Variants in CDIN1 observed in about 807,000 individuals in gnomAD.
CDIN1 encodes CDAN1-interacting nuclease 1.
A neutral mutation model predicts 45.3 loss-of-function variants in CDIN1; 33 were observed. The observed-to-expected ratio is 0.73, with a 90% CI of 0.55 to 0.97. CDIN1 has a LOEUF of 0.97. CDIN1 is among the 50% of genes least tolerant of loss of function. The pLI, the probability that CDIN1 is intolerant of heterozygous loss-of-function variation, is 0.00. For missense variants in CDIN1, 303 were observed against 339.4 expected, an observed-to-expected ratio of 0.89 and a Z score of 0.84; for synonymous variants, 118 against 124.4, an observed-to-expected ratio of 0.95 and a Z score of 0.34.
intron 10 of CDIN1, among the ~76,000 whole-genome samples, chr15:36,746,670 CA>C (rs1555403566): frequency 9.1e-5 from 1 of 11,044 alleles, no homozygotes; most frequent in Non-Finnish European, 1.8e-4. Flanking sequence ...TATATGGTTC[CA>C]CACACACACA....
chr15:36,626,741 G>A, intron 1 of CDIN1: 1 of 418,100 alleles, frequency 2.4e-6, no homozygotes, highest in South Asian at 1.9e-5. Context: ...CAGATTGACT[G>A]GTGTTTTATA....
chr15:36,689,012 A>G (rs11631068), intron 5 of CDIN1, among the ~76,000 whole-genome samples: 45,182 of 152,078 alleles, frequency 0.3, 7,180 homozygotes, highest in Admixed American at 0.41. Context: ...TTGAGGTTAA[A>G]ATGAATGTGG....
intron 10 of CDIN1, 132 bp downstream of exon 10, chr15:36,710,093 T>C: frequency 3.7e-6 from 2 of 547,884 alleles, no homozygotes; most frequent in East Asian, 2.9e-5. Context: ...TTGATTAATG[T>C]ATTCATTTCA....
chr15:36,759,105 T>C (rs539154376), intron 10 of CDIN1, among the ~76,000 whole-genome samples: 1 of 152,222 alleles, frequency 6.6e-6, no homozygotes, highest in African/African-American at 2.4e-5. Context: ...AAGGTTTTCA[T>C]CGAGAGCAGA....
At chr15:36,800,552 T>G (rs2054977540) in intron 10 of CDIN1, among the ~76,000 whole-genome samples, 1 of 152,122 alleles carries the variant, frequency 6.6e-6, no homozygotes, top group Non-Finnish European at 1.5e-5. Context: ...CAACTCTGTC[T>G]GGATATACAT....
intron 8 of CDIN1, among the ~76,000 whole-genome samples, chr15:36,701,155 T>C (rs1387243868): frequency 1.3e-5 from 2 of 151,622 alleles, no homozygotes; most frequent in African/African-American, 4.9e-5. Flanking sequence ...GATAGATAGA[T>C]AGATAGATAG....
At chr15:36,659,784 A>G (rs988589089) in intron 5 of CDIN1, among the ~76,000 whole-genome samples, 2 of 151,970 alleles carry the variant, frequency 1.3e-5, no homozygotes, top group African/African-American at 2.4e-5. Flanking sequence ...TGGACAGAAA[A>G]TGGTTTCAAA....
At chr15:36,791,723 T>C (rs886520189) in intron 10 of CDIN1, among the ~76,000 whole-genome samples, 23 of 152,250 alleles carry the variant, frequency 1.5e-4, no homozygotes, top group Middle Eastern at 3.4e-3. Flanking sequence ...CCTGTTTCCT[T>C]CAACAAGTGT....
At chr15:36,788,895 A>G (rs1439589531) in intron 10 of CDIN1, among the ~76,000 whole-genome samples, 2 of 152,180 alleles carry the variant, frequency 1.3e-5, no homozygotes, top group African/African-American at 2.4e-5. Context: ...TATCTTGCCA[A>G]TAAGTCTCCA....
At chr15:36,694,497 G>A (rs1207791931) in intron 7 of CDIN1, among the ~76,000 whole-genome samples, 1 of 152,192 alleles carries the variant, frequency 6.6e-6, no homozygotes, top group Non-Finnish European at 1.5e-5. Context: ...GTAGAATAAA[G>A]TAAGTTGGTC....
intron 8 of CDIN1, among the ~76,000 whole-genome samples, chr15:36,697,733 A>G (rs1372732541): frequency 6.6e-6 from 1 of 152,230 alleles, no homozygotes; most frequent in East Asian, 1.9e-4. Context: ...TATATTAAAA[A>G]GAACAGTTAG....
chr15:36,715,548 C>T (rs1287920046), intron 10 of CDIN1, among the ~76,000 whole-genome samples: 2 of 152,086 alleles, frequency 1.3e-5, no homozygotes, highest in Non-Finnish European at 2.9e-5. Context: ...TCACATCTGT[C>T]TTAAGTTGGA....
At chr15:36,614,033 A>G (rs1322657761) in intron 1 of CDIN1, 1 of 1,217,410 alleles carries the variant, frequency 8.2e-7, no homozygotes. Context: ...TATGAGGAAG[A>G]GATCAAGATT....
chr15:36,656,732 G>A (rs1287613249), intron 4 of CDIN1, among the ~76,000 whole-genome samples: 1 of 152,120 alleles, frequency 6.6e-6, no homozygotes, highest in Non-Finnish European at 1.5e-5. Context: ...CTAGGAATAA[G>A]CAGCTTCGTG....
At chr15:36,629,908 A>G (rs909569217) in intron 1 of CDIN1, among the ~76,000 whole-genome samples, 2 of 152,202 alleles carry the variant, frequency 1.3e-5, no homozygotes, top group African/African-American at 4.8e-5. Context: ...GTATATGTGC[A>G]TACATATATA....
At chr15:36,709,193 T>G (rs776300106) in intron 8 of CDIN1, 30 bp from the exon 9 acceptor site, 4 of 1,567,494 alleles carry the variant, frequency 2.6e-6, no homozygotes, top group Non-Finnish European at 3.5e-6. Context: ...GAATAGTGTT[T>G]TAAGTAAATA....
intron 10 of CDIN1, among the ~76,000 whole-genome samples, chr15:36,755,701 T>A (rs1372508174): frequency 7.4e-6 from 1 of 135,854 alleles, no homozygotes; most frequent in Non-Finnish European, 1.6e-5. Context: ...AAAAAAAAAA[T>A]CTTGAGCTTG....
chr15:36,680,192 T>A (rs2041801343), intron 5 of CDIN1, among the ~76,000 whole-genome samples: 1 of 152,170 alleles, frequency 6.6e-6, no homozygotes, highest in South Asian at 2.1e-4. Context: ...CCAGATGCCA[T>A]AACAGTAGGC....
At chr15:36,613,891 GGAAC>G (rs1344843527) in intron 1 of CDIN1, 1 of 1,558,912 alleles carries the variant, frequency 6.4e-7, no homozygotes, top group Non-Finnish European at 8.8e-7. Flanking sequence ...AAGGAGACTT[GGAAC>G]GCACAGAGAA....
Sources: gnomAD v4.1 joint callset for allele counts (sites outside exome capture counted in the v4.1 genomes callset) on GRCh38, gnomAD v4.1.1 for gene constraint, MANE v1.5 for transcripts, NCBI Gene and HGNC (gene_info 2026-07-23, HGNC 2026-07-21) for gene names.